The following KICS2 variants were observed in gnomAD, a reference collection of about 807,000 sequenced individuals.
The protein encoded by KICS2 is KICSTOR complex protein C12orf66.
KICS2 carries 13 observed loss-of-function variants against 31.4 expected under a neutral mutation model. That is an observed-to-expected ratio of 0.41 (90% CI 0.27 to 0.66). The LOEUF (loss-of-function observed/expected upper bound fraction) is 0.66. Ranked by LOEUF, KICS2 falls within the 30% of genes least tolerant of loss-of-function variation. The pLI is 0.28. For synonymous variants in KICS2, 209 were observed against 214.8 expected, an observed-to-expected ratio of 0.97 and a Z score of 0.24; for missense variants, 455 against 545.4, an observed-to-expected ratio of 0.83 and a Z score of 1.65.
intron 1 of KICS2, among the ~76,000 whole-genome samples, chr12:64,218,346 C>G (rs1049355083): frequency 6.6e-6 from 1 of 152,166 alleles, no homozygotes; most frequent in African/African-American, 2.4e-5. Flanking sequence ...CCAGCTCCCA[C>G]AATTACAGGC....
Position 64,192,162 on chromosome 12 carries a change from TCAC to T in KICS2, c.*1677_*1679del. 6.6e-6 allele frequency: 1 copy of T among 151,788 alleles called. No individual in the cohort carries two copies. The allele number at this position is 151,788 out of a possible 1,614,324, so 9.4% of individuals were successfully genotyped here. Reference sequence around the variant, plus strand: ...TTTTTTTGAGACAGGTCTCGCTCTTTCACCCAGGCTGGAGTGCAGCTGCACAGT... The same window carrying T: ...TTTTTTTGAGACAGGTCTCGCTCTTTCCAGGCTGGAGTGCAGCTGCACAGT... On this transcript the variant is annotated 3_prime_UTR_variant, in exon 3 of 3. Coordinates refer to ENST00000398055, the MANE Select transcript of KICS2 (RefSeq NM_152440.5).
intron 2 of KICS2, 123 bp from the exon 3 acceptor site, chr12:64,194,781 A>G: frequency 7.8e-7 from 1 of 1,282,676 alleles, no homozygotes; most frequent in Non-Finnish European, 1.0e-6. Flanking sequence ...CAGGGGAAGA[A>G]AAGATGGAGG....
chr12:64,197,959 G>C (rs1441390944), intron 2 of KICS2, among the ~76,000 whole-genome samples: 2 of 136,082 alleles, frequency 1.5e-5, no homozygotes, highest in Non-Finnish European at 1.5e-5. Flanking sequence ...AGCAAGTCCT[G>C]AGTGACCTAC....
rs1399164264 is a variant in KICS2 at position 64,192,714 on chromosome 12, C to T, written c.*1128G>A. The T allele has an allele frequency of 1.0e-6, 1 of 985,332 alleles. No homozygotes were observed. The highest frequency in any genetic ancestry group is 1.7e-5 in the African/African-American group (1 of 57,250). The allele number at this position is 985,332 out of a possible 1,614,324, so 61.0% of individuals were successfully genotyped here. Reference sequence around the variant, plus strand: ...GTCTCCACAGCCCATTATGCCTTCACTGATCCACCTACTTCCCATGAACAC... The same window carrying T: ...GTCTCCACAGCCCATTATGCCTTCATTGATCCACCTACTTCCCATGAACAC... On this transcript the variant is annotated 3_prime_UTR_variant, in exon 3 of 3. Transcript: ENST00000398055.
downstream of KICS2, among the ~76,000 whole-genome samples, chr12:64,189,460 G>A (rs1274522026): frequency 6.6e-6 from 1 of 152,008 alleles, no homozygotes. Flanking sequence ...CAATATAAAG[G>A]GGGAAAAAAG....
intron 2 of KICS2, among the ~76,000 whole-genome samples, chr12:64,211,434 G>C (rs1340749164): frequency 6.6e-6 from 1 of 152,036 alleles, no homozygotes; most frequent in Non-Finnish European, 1.5e-5. Flanking sequence ...TGACCAACAT[G>C]GTGAAACCCC....
chr12:64,222,109 G>C lies in KICS2; in HGVS notation c.129C>G (p.Ala43=). ...AKDNVEKERE[A]NKSAGGSWLS... ...GCCAGCTGCCCCCCGCGCTCTTGTT[G>C]GCCTCTCGTTCCTTCTCCACATTGT... Residue 43 remains alanine (A), a synonymous_variant, in exon 1 of 3, where the codon GCC becomes GCG. Transcript: ENST00000398055. The C allele has an allele frequency of 6.2e-7, 1 of 1,614,036 alleles. No individual in the cohort carries two copies. Among genetic ancestry groups the C allele is most frequent in the Non-Finnish European group, 8.5e-7 (1 of 1,179,948 alleles).
At chr12:64,195,638 C>T (rs961764336) in intron 2 of KICS2, among the ~76,000 whole-genome samples, 1 of 152,214 alleles carries the variant, frequency 6.6e-6, no homozygotes, top group Non-Finnish European at 1.5e-5. Context: ...CTACAGCTCC[C>T]AGCATGAGCA....
chr12:64,196,210 T>C (rs904935940), intron 2 of KICS2, among the ~76,000 whole-genome samples: 2 of 151,890 alleles, frequency 1.3e-5, no homozygotes, highest in East Asian at 1.9e-4. Context: ...GTCTGACAGC[T>C]TTGAAGAGAG....
chr12:64,197,716 C>CAG (rs1209634503), intron 2 of KICS2, among the ~76,000 whole-genome samples: 1 of 150,172 alleles, frequency 6.7e-6, no homozygotes, highest in Non-Finnish European at 1.5e-5. Context: ...ATCTCATGTG[C>CAG]AGAGACACAC....
Position 64,193,624 on chromosome 12 carries a change from C to T in KICS2, c.*218G>A. 7.3e-7 allele frequency: 1 copy of T among 1,371,834 alleles called. No individual in the cohort carries two copies. The highest frequency in any genetic ancestry group is 9.4e-7 in the Non-Finnish European group (1 of 1,066,784). The allele number at this position is 1,371,834 out of a possible 1,614,324, so 85.0% of individuals were successfully genotyped here. Reference sequence around the variant, plus strand: ...AAACTACTTTGCTGTACCATGGAGACACATGGTAGCCCATGACCACTTCCT... The same window carrying T: ...AAACTACTTTGCTGTACCATGGAGATACATGGTAGCCCATGACCACTTCCT... On this transcript the variant is annotated 3_prime_UTR_variant, in exon 3 of 3. Transcript: ENST00000398055.
chr12:64,189,617 G>A (rs545130638), downstream of KICS2, among the ~76,000 whole-genome samples: 1 of 151,942 alleles, frequency 6.6e-6, no homozygotes, highest in Non-Finnish European at 1.5e-5. Flanking sequence ...TCTGTCTATA[G>A]ACACTTCAAA....
chr12:64,202,852 A>C (rs1413085554), intron 2 of KICS2, among the ~76,000 whole-genome samples: 1 of 151,992 alleles, frequency 6.6e-6, no homozygotes, highest in Non-Finnish European at 1.5e-5. Flanking sequence ...TTCTAGGCAC[A>C]GGGAAAAAAG....
intron 2 of KICS2, among the ~76,000 whole-genome samples, chr12:64,205,354 G>A (rs1434446907): frequency 1.3e-5 from 2 of 152,292 alleles, no homozygotes; most frequent in Non-Finnish European, 2.9e-5. Context: ...CTCAAGAAGA[G>A]CTAAAAATTC....
At chr12:64,188,583 G>A (rs1205679657), downstream of KICS2, among the ~76,000 whole-genome samples, 1 of 151,526 alleles carries the variant, frequency 6.6e-6, no homozygotes, top group African/African-American at 2.4e-5. Flanking sequence ...GGGAGGAAGA[G>A]AGATAGAGGG....
At chr12:64,190,612 T>A (rs576712118), downstream of KICS2, among the ~76,000 whole-genome samples, 1 of 152,080 alleles carries the variant, frequency 6.6e-6, no homozygotes, top group Admixed American at 6.6e-5. Context: ...AATATTTTTT[T>A]AAAATTAGCC....
intron 2 of KICS2, among the ~76,000 whole-genome samples, chr12:64,207,851 A>G (rs1457652162): frequency 6.6e-6 from 1 of 152,222 alleles, no homozygotes; most frequent in African/African-American, 2.4e-5. Flanking sequence ...TACATGATAG[A>G]ACAACAAAAG....
Position 64,193,176 on chromosome 12 carries a change from G to A in KICS2, c.*666C>T, listed in dbSNP as rs1029795763. On this transcript the variant is annotated 3_prime_UTR_variant, in exon 3 of 3. Transcript: ENST00000398055. ...AAAGAAGTCAAAACAAATGCAGTTAGGTGTGTACATTACCCCAAAAGAACC... is the reference window on the plus strand; with the variant it reads ...AAAGAAGTCAAAACAAATGCAGTTAAGTGTGTACATTACCCCAAAAGAACC... The A allele has an allele frequency of 1.5e-5, 15 of 985,312 alleles. No individual in the cohort carries two copies. Among genetic ancestry groups the A allele is most frequent in the African/African-American group, 5.2e-5 (3 of 57,230 alleles). 61.0% of individuals were successfully genotyped at this position (985,312 alleles called of 1,614,324 possible).
chr12:64,206,545 T>C (rs915080281), intron 2 of KICS2, among the ~76,000 whole-genome samples: 7 of 152,212 alleles, frequency 4.6e-5, no homozygotes, highest in Admixed American at 2.6e-4. Flanking sequence ...GAAGGAACAA[T>C]TCCTTTTGGT....
Sources: allele counts gnomAD v4.1 joint callset (sites outside exome capture counted in the v4.1 genomes callset), GRCh38; gene constraint gnomAD v4.1.1; transcripts MANE v1.5; gene names NCBI Gene and HGNC (gene_info 2026-07-23, HGNC 2026-07-21).